PPM1H: variants seen among roughly 807,000 people sequenced by gnomAD.
PPM1H encodes protein phosphatase, Mg2+/Mn2+ dependent 1H.
A neutral mutation model predicts 54.9 loss-of-function variants in PPM1H; 27 were observed. The ratio of observed to expected loss-of-function variants is 0.49; its 90% CI spans 0.36 to 0.68. PPM1H has a LOEUF of 0.68. PPM1H is among the 30% of genes least tolerant of loss of function. The pLI is 0.00. For synonymous variants in PPM1H, 305 were observed against 270.8 expected (o/e 1.13, Z -1.24); for missense variants, 596 against 667.8 (o/e 0.89, Z 1.19).
intron 4 of PPM1H, among the ~76,000 whole-genome samples, chr12:62,764,414 C>G (rs533909746): frequency 3.3e-5 from 5 of 152,154 alleles, no homozygotes; most frequent in Non-Finnish European, 7.3e-5. Context: ...TGTTGAGTAA[C>G]AGCTATTCTG....
At chr12:62,705,035 T>G (rs560434316) in intron 6 of PPM1H, among the ~76,000 whole-genome samples, 1 of 152,342 alleles carries the variant, frequency 6.6e-6, no homozygotes, top group African/African-American at 2.4e-5. Context: ...TGCTGGTCAA[T>G]GTTCTTTGGG....
chr12:62,928,581 C>A (rs942093934), intron 1 of PPM1H, among the ~76,000 whole-genome samples: 2 of 152,198 alleles, frequency 1.3e-5, no homozygotes, highest in African/African-American at 4.8e-5. Context: ...ATTCTCTCCT[C>A]CACCAAACTT....
chr12:62,769,843 G>A (rs922163936), intron 4 of PPM1H, among the ~76,000 whole-genome samples: 2 of 152,134 alleles, frequency 1.3e-5, no homozygotes, highest in African/African-American at 4.8e-5. Flanking sequence ...ATTTAAAGGC[G>A]AAAAGTGGGC....
rs761591758 is a variant in PPM1H at position 62,682,964 on chromosome 12, G to A, written c.1245+6735C>T. On this transcript the variant is annotated intron_variant, in intron 8 of 9. Coordinates refer to ENST00000228705, the MANE Select transcript of PPM1H (RefSeq NM_020700.2). Reference sequence around the variant, plus strand: ...AGTATCCCCAGTAGCTGAGACTACAGGCAGGTACCACTAATTTATTATTTA... The same window carrying A: ...AGTATCCCCAGTAGCTGAGACTACAAGCAGGTACCACTAATTTATTATTTA... Among the ~76,000 whole-genome samples the A allele has an allele frequency of 6.6e-4, 100 of 151,518 alleles. 1 individual carries two copies. The highest frequency in any genetic ancestry group is 1.8e-3 in the Admixed American group (27 of 15,216).
chr12:62,852,091 T>A (rs573458331), intron 1 of PPM1H, among the ~76,000 whole-genome samples: 2 of 151,774 alleles, frequency 1.3e-5, no homozygotes, highest in Admixed American at 1.3e-4. Context: ...TAGCTGGGCG[T>A]GGTGGCGGGC....
rs746852392 is a variant in PPM1H, at chr12:62,689,756, G to A, written c.1188C>T (p.Asp396=). Residue 396 remains aspartate, a synonymous_variant, in exon 8 of 10, where the codon GAC becomes GAT. Coordinates refer to ENST00000228705, the MANE Select transcript of PPM1H (RefSeq NM_020700.2). ...AGATGTTGGAGTCATGCACCTTCAGGTCATGGTCCCCAAGTCCCCTGGTCA... is the reference window on the plus strand; with the variant it reads ...AGATGTTGGAGTCATGCACCTTCAGATCATGGTCCCCAAGTCCCCTGGTCA... ...IGVTRGLGDH[D]LKVHDSNIYI... 2 of 1,613,792 alleles carry A rather than the reference G, an allele frequency of 1.2e-6. No individual in the cohort carries two copies. The highest frequency in any genetic ancestry group is 1.7e-5 in the Admixed American group (1 of 59,990).
At chr12:62,843,981 C>A (rs1429136559) in intron 1 of PPM1H, among the ~76,000 whole-genome samples, 1 of 152,274 alleles carries the variant, frequency 6.6e-6, no homozygotes, top group East Asian at 1.9e-4. Flanking sequence ...TAATTTAGCC[C>A]TTGAGGTCTC....
Position 62,843,223 on chromosome 12 carries a change from C to T in PPM1H, c.246-10944G>A, listed in dbSNP as rs190018573. On this transcript the variant is annotated intron_variant, in intron 1 of 9. Transcript: ENST00000228705. Reference sequence around the variant, plus strand: ...CCCAGCTACTTGGGAGGCTGAGGCACGAGAATTGCTTGGAACCCCGGAGGT... The same window carrying T: ...CCCAGCTACTTGGGAGGCTGAGGCATGAGAATTGCTTGGAACCCCGGAGGT... Among the ~76,000 whole-genome samples, 25 of 152,130 alleles carry T rather than the reference C, an allele frequency of 1.6e-4. No homozygotes were observed. The East Asian group carries it at 3.3e-3, about 20-fold the overall frequency.
intron 1 of PPM1H, among the ~76,000 whole-genome samples, chr12:62,884,000 G>A (rs1870489455): frequency 6.6e-6 from 1 of 152,066 alleles, no homozygotes; most frequent in Admixed American, 6.5e-5. Context: ...ACAGAGATGA[G>A]AACAAACAGA....
chr12:62,821,731 A>T lies in PPM1H; in HGVS notation c.411+10383T>A, dbSNP rs546994080. ...AATGCTGAGAGATTTTGTTACCACCAGGCCTGCCTTACAAGAGCTCCTGAA... is the reference window on the plus strand; with the variant it reads ...AATGCTGAGAGATTTTGTTACCACCTGGCCTGCCTTACAAGAGCTCCTGAA... On this transcript the variant is annotated intron_variant, in intron 2 of 9. Transcript: ENST00000228705. Among the ~76,000 whole-genome samples the T allele has an allele frequency of 2.6e-5, 4 of 152,328 alleles. No homozygotes were observed. The South Asian group carries it at 8.3e-4, about 32-fold the overall frequency.
intron 1 of PPM1H, among the ~76,000 whole-genome samples, chr12:62,849,556 C>A (rs989676851): frequency 2.0e-5 from 3 of 152,064 alleles, no homozygotes; most frequent in African/African-American, 7.2e-5. Context: ...AACCAAGGGT[C>A]CACTAGTATC....
chr12:62,735,362 T>A (rs1299351234), intron 5 of PPM1H, among the ~76,000 whole-genome samples: 3 of 151,766 alleles, frequency 2.0e-5, no homozygotes, highest in African/African-American at 7.3e-5. Context: ...CAGGCACACA[T>A]CACCATGCCT....
intron 1 of PPM1H, among the ~76,000 whole-genome samples, chr12:62,906,648 GAC>G (rs1313497454): frequency 6.6e-5 from 10 of 152,264 alleles, no homozygotes; most frequent in African/African-American, 2.4e-4. Context: ...CCACATAAAA[GAC>G]TATTCAGAAG....
intron 2 of PPM1H, among the ~76,000 whole-genome samples, chr12:62,826,477 G>A (rs1000751104): frequency 9.9e-5 from 15 of 152,024 alleles, no homozygotes; most frequent in South Asian, 4.1e-4. Flanking sequence ...GTTGCTACCC[G>A]GCTACCATAT....
intron 4 of PPM1H, among the ~76,000 whole-genome samples, chr12:62,783,226 A>G (rs557555589): frequency 2.6e-5 from 4 of 152,328 alleles, no homozygotes; most frequent in Non-Finnish European, 5.9e-5. Flanking sequence ...TCTATATTAT[A>G]AATGAATGAA....
chr12:62,782,237 TAAG>T (rs1348901614), intron 4 of PPM1H, among the ~76,000 whole-genome samples: 2 of 152,192 alleles, frequency 1.3e-5, no homozygotes, highest in African/African-American at 2.4e-5. Context: ...TCCATGAACA[TAAG>T]AAGAAATGAA....
chr12:62,679,184 A>C (rs2076004817), intron 8 of PPM1H, among the ~76,000 whole-genome samples: 1 of 151,438 alleles, frequency 6.6e-6, no homozygotes, highest in South Asian at 2.1e-4. Context: ...ATGGGGTTTC[A>C]CCATGTTGGC....
intron 1 of PPM1H, chr12:62,840,291 T>C (rs1868695442): frequency 1.3e-5 from 2 of 152,146 alleles, no homozygotes; most frequent in East Asian, 3.9e-4. Flanking sequence ...GGGGCCTCTT[T>C]TCTAAAAGCA....
At chr12:62,817,119 A>C (rs1172895585) in intron 2 of PPM1H, among the ~76,000 whole-genome samples, 1 of 99,956 alleles carries the variant, frequency 1.0e-5, no homozygotes, top group Non-Finnish European at 2.0e-5. Context: ...GCATTACTAA[A>C]AAAAAAAAAA....
Sources: allele counts gnomAD v4.1 joint callset (sites outside exome capture counted in the v4.1 genomes callset), GRCh38; gene constraint gnomAD v4.1.1; transcripts MANE v1.5; gene names NCBI Gene and HGNC (gene_info 2026-07-23, HGNC 2026-07-21).